The following CNTN4 variants were observed in gnomAD, a reference collection of about 807,000 sequenced individuals.
The protein encoded by CNTN4 is contactin-4.
Under a neutral mutation model 122.5 loss-of-function variants are expected in CNTN4, and 77 were observed. The observed-to-expected ratio is 0.63, with a 90% confidence interval of 0.52 to 0.76. CNTN4 has a LOEUF of 0.76. CNTN4 is among the 30% of genes least tolerant of loss of function. The probability of loss-of-function intolerance (pLI) is 0.00; values close to 1 mark genes in which losing one functional copy is unlikely to be tolerated. For missense variants in CNTN4, 1,256 were observed against 1,259.1 expected, an observed-to-expected ratio of 1.00 and a Z score of 0.04; for synonymous variants, 512 against 447.0, an observed-to-expected ratio of 1.15 and a Z score of -1.83.
chr3:2,225,206 A>C lies in CNTN4; in HGVS notation c.-144-113972A>C, dbSNP rs572066926. Reference sequence around the variant, plus strand: ...GTTTGAATTTAGCTTAGTAATGCTCAGTGCAATTGCTTTAAAACCCAGGTC... The same window carrying C: ...GTTTGAATTTAGCTTAGTAATGCTCCGTGCAATTGCTTTAAAACCCAGGTC... On this transcript the variant is annotated intron_variant, in intron 2 of 24. Transcript: ENST00000418658. Among the ~76,000 whole-genome samples the C allele has an allele frequency of 1.1e-4, 16 of 151,186 alleles. No homozygotes were observed. The South Asian group carries it at 1.7e-3, about 16-fold the overall frequency.
At chr3:2,392,671 G>C (rs1224125684) in intron 3 of CNTN4, among the ~76,000 whole-genome samples, 1 of 152,074 alleles carries the variant, frequency 6.6e-6, no homozygotes, top group Non-Finnish European at 1.5e-5. Context: ...TAGCTATCTT[G>C]AAATATACAA....
chr3:2,250,902 GAAGAA>G (rs1406006167), intron 2 of CNTN4, among the ~76,000 whole-genome samples: 3 of 151,732 alleles, frequency 2.0e-5, no homozygotes, highest in Admixed American at 6.6e-5. Flanking sequence ...TCTAGTTAAT[GAAGAA>G]AAGAAGAGAT....
chr3:3,044,709 A>G (rs1033513525), intron 23 of CNTN4, among the ~76,000 whole-genome samples: 1 of 152,176 alleles, frequency 6.6e-6, no homozygotes, highest in African/African-American at 2.4e-5. Flanking sequence ...TGATTTCTAC[A>G]TTTCCAACTG....
intron 4 of CNTN4, among the ~76,000 whole-genome samples, chr3:2,600,036 G>A (rs1470698480): frequency 6.4e-5 from 1 of 15,538 alleles, no homozygotes; most frequent in Admixed American, 6.9e-4. Flanking sequence ...TTTTTTTTTT[G>A]CCAAAACATT....
At chr3:2,342,805 G>T (rs141362838) in intron 3 of CNTN4, among the ~76,000 whole-genome samples, 103 of 152,290 alleles carry the variant, frequency 6.8e-4, no homozygotes, top group African/African-American at 2.3e-3. Flanking sequence ...AAATTACTCA[G>T]TCTCAGGTAT....
intron 3 of CNTN4, among the ~76,000 whole-genome samples, chr3:2,358,383 A>G (rs2044966961): frequency 6.6e-6 from 1 of 152,102 alleles, no homozygotes; most frequent in Non-Finnish European, 1.5e-5. Context: ...GGAAGCACTC[A>G]GCAAATATTC....
At position 2,666,837 on chromosome 3, in the gene CNTN4, G is replaced by A. The variant is rs553175812; in HGVS notation, c.56-69378G>A. Among the ~76,000 whole-genome samples, 402 of 148,112 alleles carry A rather than the reference G, an allele frequency of 2.7e-3. 4 individuals are homozygous for A. The highest frequency in any genetic ancestry group is 7.8e-3 in the African/African-American group (312 of 40,094). Reference sequence around the variant, plus strand: ...TTCCCACCTATGAGTGCGAACACACGGTGTTTGGTTTTTTGTCTTTGTGAT... The same window carrying A: ...TTCCCACCTATGAGTGCGAACACACAGTGTTTGGTTTTTTGTCTTTGTGAT... On this transcript the variant is annotated intron_variant, in intron 4 of 24. Transcript: ENST00000418658.
chr3:2,778,082 C>T (rs149464227), intron 6 of CNTN4, among the ~76,000 whole-genome samples: 8,399 of 133,780 alleles, frequency 0.063, 429 homozygotes, highest in East Asian at 0.17. Flanking sequence ...GGCGTGGTGG[C>T]GGGCGCCTGT....
At chr3:2,502,031 C>T (rs891664674) in intron 3 of CNTN4, among the ~76,000 whole-genome samples, 17 of 152,106 alleles carry the variant, frequency 1.1e-4, no homozygotes, top group African/African-American at 2.9e-4. Flanking sequence ...CCTATTTATA[C>T]GTGGATCCAA....
chr3:2,959,320 G>A (rs1357105488), intron 13 of CNTN4, among the ~76,000 whole-genome samples: 1 of 152,172 alleles, frequency 6.6e-6, no homozygotes, highest in Non-Finnish European at 1.5e-5. Context: ...TCAGAAGGCA[G>A]TCTATTTCCA....
At chr3:2,918,551 C>T (rs1308002390) in intron 12 of CNTN4, among the ~76,000 whole-genome samples, 5 of 152,230 alleles carry the variant, frequency 3.3e-5, no homozygotes, top group African/African-American at 4.8e-5. Flanking sequence ...TATCTCTTCT[C>T]AACCCAGCGT....
chr3:2,308,796 A>G (rs528068204), intron 2 of CNTN4, among the ~76,000 whole-genome samples: 2 of 152,170 alleles, frequency 1.3e-5, no homozygotes, highest in South Asian at 2.1e-4. Context: ...TTGTTGTATC[A>G]TTTTTTATAT....
chr3:2,947,964 G>A (rs747000543), intron 13 of CNTN4, among the ~76,000 whole-genome samples: 24 of 152,034 alleles, frequency 1.6e-4, no homozygotes, highest in Non-Finnish European at 2.1e-4. Context: ...TATGTGCTGG[G>A]TGCGTTGTTT....
At chr3:2,277,399 T>A (rs2149866323) in intron 2 of CNTN4, among the ~76,000 whole-genome samples, 1 of 152,254 alleles carries the variant, frequency 6.6e-6, no homozygotes, top group African/African-American at 2.4e-5. Flanking sequence ...TTTAAATATA[T>A]ATATATGGAG....
intron 6 of CNTN4, among the ~76,000 whole-genome samples, chr3:2,747,387 C>A (rs535911644): frequency 1.3e-5 from 2 of 149,896 alleles, no homozygotes; most frequent in Admixed American, 6.6e-5. Context: ...CCAGCCTGGG[C>A]GACAGAGCGA....
At chr3:2,624,262 G>A (rs567534409) in intron 4 of CNTN4, among the ~76,000 whole-genome samples, 1 of 152,232 alleles carries the variant, frequency 6.6e-6, no homozygotes, top group South Asian at 2.1e-4. Flanking sequence ...TACACTAAAA[G>A]GGTCCAGGAA....
chr3:2,943,292 C>G (rs1327912303), intron 13 of CNTN4, among the ~76,000 whole-genome samples: 1 of 152,072 alleles, frequency 6.6e-6, no homozygotes, highest in African/African-American at 2.4e-5. Flanking sequence ...GGCTGTTAGA[C>G]CTAAAACTGA....
intron 2 of CNTN4, among the ~76,000 whole-genome samples, chr3:2,260,113 T>C (rs534311240): frequency 1.4e-4 from 21 of 152,314 alleles, no homozygotes; most frequent in African/African-American, 5.1e-4. Context: ...CACCATTTTC[T>C]TGCCCAAGAA....
chr3:2,629,026 A>G (rs184164838), intron 4 of CNTN4, among the ~76,000 whole-genome samples: 2 of 152,306 alleles, frequency 1.3e-5, no homozygotes, highest in Admixed American at 1.3e-4. Flanking sequence ...CCATAGCTGT[A>G]GTGAAATTTT....
Sources: gnomAD v4.1 joint callset for allele counts (sites outside exome capture counted in the v4.1 genomes callset) on GRCh38, gnomAD v4.1.1 for gene constraint, MANE v1.5 for transcripts, NCBI Gene and HGNC (gene_info 2026-07-23, HGNC 2026-07-21) for gene names.